Variants in JAKMIP2 observed in about 807,000 individuals in gnomAD.
JAKMIP2 encodes janus kinase and microtubule-interacting protein 2.
A neutral mutation model predicts 115.0 loss-of-function variants in JAKMIP2; 25 were observed. The observed-to-expected ratio is 0.22, with a 90% CI of 0.16 to 0.30. The LOEUF (loss-of-function observed/expected upper bound fraction) is 0.30, where lower values mean the gene tolerates loss of function less well. Among genes scored for constraint, JAKMIP2 ranks in the 10% least tolerant of loss-of-function variants. The probability of loss-of-function intolerance (pLI) is 1.00; values close to 1 mark genes in which losing one functional copy is unlikely to be tolerated. For missense variants in JAKMIP2, 642 were observed against 957.6 expected (o/e 0.67, Z 4.35); for synonymous variants, 334 against 343.6 (o/e 0.97, Z 0.31).
chr5:147,647,066 G>A (rs1758169266), intron 5 of JAKMIP2, among the ~76,000 whole-genome samples: 1 of 151,930 alleles, frequency 6.6e-6, no homozygotes, highest in South Asian at 2.1e-4. Context: ...ATGTAAACAT[G>A]TAACATTGCT....
At chr5:147,602,820 T>C (rs1275925243) in intron 20 of JAKMIP2, among the ~76,000 whole-genome samples, 1 of 152,238 alleles carries the variant, frequency 6.6e-6, no homozygotes, top group Non-Finnish European at 1.5e-5. Context: ...ATTCTCATAT[T>C]GTGAATGTTA....
intron 1 of JAKMIP2, among the ~76,000 whole-genome samples, chr5:147,724,858 G>A (rs1753454696): frequency 6.6e-6 from 1 of 152,094 alleles, no homozygotes; most frequent in South Asian, 2.1e-4. Context: ...GAAGGAAGGT[G>A]TCAGAGGCAT....
intron 16 of JAKMIP2, among the ~76,000 whole-genome samples, 161 bp downstream of exon 16, chr5:147,628,590 T>C (rs558609177): frequency 6.6e-6 from 1 of 152,242 alleles, no homozygotes; most frequent in Admixed American, 6.5e-5. Flanking sequence ...TTCGTTTGGG[T>C]GTTCTCATTC....
chr5:147,727,861 T>C (rs1021073549), intron 1 of JAKMIP2, among the ~76,000 whole-genome samples: 1 of 152,136 alleles, frequency 6.6e-6, no homozygotes, highest in African/African-American at 2.4e-5. Flanking sequence ...GACTTAATTG[T>C]TTTTCTCCAT....
chr5:147,640,667 C>A (rs1160078127), intron 9 of JAKMIP2, 37 bp downstream of exon 9: 1 of 1,603,632 alleles, frequency 6.2e-7, no homozygotes, highest in African/African-American at 1.3e-5. Flanking sequence ...GATTTGGTGA[C>A]AATATCACCC....
At position 147,650,660 on chromosome 5, in the gene JAKMIP2, G is replaced by T; in HGVS notation, c.628-113C>A. The T allele has an allele frequency of 9.0e-6, 7 of 781,990 alleles. No homozygotes were observed. The South Asian group carries it at 1.3e-4, about 14-fold the overall frequency. The allele number at this position is 781,990 out of a possible 1,614,324, so 48.4% of individuals were successfully genotyped here. A position where few individuals can be genotyped will look rare whatever the true frequency, so the allele number is the denominator to read the frequency against. ...CTGATTGATACAGAAAAAAAATCACGGATTTGATAAGTGTATTGGTTTCAT... is the reference window on the plus strand; with the variant it reads ...CTGATTGATACAGAAAAAAAATCACTGATTTGATAAGTGTATTGGTTTCAT... On this transcript the variant is annotated intron_variant, in intron 3 of 21. Transcript: ENST00000616793.
intron 18 of JAKMIP2, among the ~76,000 whole-genome samples, chr5:147,619,215 G>C (rs1353845817): frequency 6.6e-6 from 1 of 152,062 alleles, no homozygotes; most frequent in African/African-American, 2.4e-5. Context: ...GGCTAAGCAG[G>C]TCTCATCTTT....
At chr5:147,769,104 G>A (rs941684377) in intron 1 of JAKMIP2, among the ~76,000 whole-genome samples, 11 of 152,000 alleles carry the variant, frequency 7.2e-5, no homozygotes, top group African/African-American at 1.9e-4. Flanking sequence ...ATGATATCAC[G>A]GTTGTCAAAT....
chr5:147,671,952 G>T lies in JAKMIP2; in HGVS notation c.-146C>A. 1 of 1,305,616 alleles carries T rather than the reference G, an allele frequency of 7.7e-7. No individual in the cohort carries two copies. The highest frequency in any genetic ancestry group is 9.8e-7 in the Non-Finnish European group (1 of 1,022,876). 80.9% of individuals were successfully genotyped at this position (1,305,616 alleles called of 1,614,324 possible). A position where few individuals can be genotyped will look rare whatever the true frequency, so the allele number is the denominator to read the frequency against. On this transcript the variant is annotated splice_region_variant and 5_prime_UTR_variant, in exon 2 of 22. Transcript: ENST00000616793. ...GGTCTCCTCAATCGCTGCCCTGGAAGCCCTGAGAAGAGGCAGAGATAGTAG... is the reference window on the plus strand; with the variant it reads ...GGTCTCCTCAATCGCTGCCCTGGAATCCCTGAGAAGAGGCAGAGATAGTAG...
intron 16 of JAKMIP2, 117 bp from the exon 17 acceptor site, chr5:147,623,806 C>G: frequency 3.4e-6 from 2 of 595,234 alleles, no homozygotes; most frequent in Non-Finnish European, 6.1e-6. Flanking sequence ...AGACTGAGAA[C>G]TGAAGCAAAA....
intron 1 of JAKMIP2, among the ~76,000 whole-genome samples, chr5:147,736,983 G>A (rs991012444): frequency 2.0e-5 from 3 of 151,976 alleles, no homozygotes; most frequent in African/African-American, 4.8e-5. Context: ...CTTACTGTAG[G>A]GCTGACTATC....
intron 1 of JAKMIP2, among the ~76,000 whole-genome samples, chr5:147,727,918 A>G (rs1753583140): frequency 6.6e-6 from 1 of 152,094 alleles, no homozygotes; most frequent in Admixed American, 6.5e-5. Context: ...GACCTAAGAT[A>G]ATACAACCTG....
chr5:147,687,457 T>C (rs1310702091), intron 1 of JAKMIP2, among the ~76,000 whole-genome samples: 1 of 152,144 alleles, frequency 6.6e-6, no homozygotes, highest in East Asian at 1.9e-4. Flanking sequence ...ACAGAGAGTG[T>C]GTCTAACAGA....
intron 21 of JAKMIP2, among the ~76,000 whole-genome samples, chr5:147,597,235 A>G (rs138762261): frequency 1.5e-3 from 228 of 152,212 alleles, no homozygotes; most frequent in African/African-American, 5.2e-3. Context: ...TCATGTGGCC[A>G]TTTGTTTTCC....
chr5:147,654,910 G>A (rs1306884486), intron 3 of JAKMIP2, among the ~76,000 whole-genome samples: 1 of 152,076 alleles, frequency 6.6e-6, no homozygotes, highest in Non-Finnish European at 1.5e-5. Context: ...TTTTTAACCT[G>A]AAGGGATGTT....
chr5:147,694,139 G>A (rs553887122), intron 1 of JAKMIP2, among the ~76,000 whole-genome samples: 1 of 152,190 alleles, frequency 6.6e-6, no homozygotes, highest in South Asian at 2.1e-4. Context: ...GGTGTCAAAT[G>A]TGATCACTCT....
At chr5:147,644,621 AGT>A (rs1758038659) in intron 6 of JAKMIP2, among the ~76,000 whole-genome samples, 1 of 152,188 alleles carries the variant, frequency 6.6e-6, no homozygotes, top group South Asian at 2.1e-4. Context: ...AGCTTTGGAA[AGT>A]GTGCAAATTC....
At chr5:147,736,849 GGAA>G (rs1265468956) in intron 1 of JAKMIP2, among the ~76,000 whole-genome samples, 1 of 152,054 alleles carries the variant, frequency 6.6e-6, no homozygotes, top group Non-Finnish European at 1.5e-5. Flanking sequence ...CCCAAATTAG[GGAA>G]GAAGAGAGAG....
intron 1 of JAKMIP2, among the ~76,000 whole-genome samples, chr5:147,715,210 T>G (rs1752927132): frequency 1.3e-5 from 2 of 152,056 alleles, no homozygotes; most frequent in South Asian, 4.1e-4. Context: ...TCCTGTCGAT[T>G]CAAAATAAAT....
Sources: allele counts gnomAD v4.1 joint callset (sites outside exome capture counted in the v4.1 genomes callset), GRCh38; gene constraint gnomAD v4.1.1; transcripts MANE v1.5; gene names NCBI Gene and HGNC (gene_info 2026-07-23, HGNC 2026-07-21).